Variants in NKAIN2 observed in about 807,000 individuals in gnomAD.
The protein encoded by NKAIN2 is sodium/potassium-transporting ATPase subunit beta-1-interacting protein 2.
A neutral mutation model predicts 32.6 loss-of-function variants in NKAIN2; 14 were observed. The ratio of observed to expected loss-of-function variants is 0.43; its 90% CI spans 0.28 to 0.67. The LOEUF is 0.67. Among genes scored for constraint, NKAIN2 ranks in the 30% least tolerant of loss-of-function variants. NKAIN2 has a pLI of 0.17. For missense variants in NKAIN2, 198 were observed against 258.3 expected, an observed-to-expected ratio of 0.77 and a Z score of 1.60; for synonymous variants, 80 against 87.2, an observed-to-expected ratio of 0.92 and a Z score of 0.46.
chr6:124,112,878 C>G (rs1194734841), intron 1 of NKAIN2, among the ~76,000 whole-genome samples: 1 of 151,636 alleles, frequency 6.6e-6, no homozygotes, highest in East Asian at 1.9e-4. Context: ...TTTCAGGTCA[C>G]TTGTGTTCTT....
intron 1 of NKAIN2, among the ~76,000 whole-genome samples, chr6:124,117,829 A>G (rs906752984): frequency 4.0e-5 from 6 of 151,130 alleles, no homozygotes; most frequent in Admixed American, 2.6e-4. Context: ...TATTTATTCA[A>G]TTTTATAAAA....
At chr6:124,806,162 A>G (rs1446002080) in intron 5 of NKAIN2, among the ~76,000 whole-genome samples, 1 of 152,160 alleles carries the variant, frequency 6.6e-6, no homozygotes, top group Non-Finnish European at 1.5e-5. Context: ...CTCCTCGAGA[A>G]GAGCAACTCC....
intron 1 of NKAIN2, among the ~76,000 whole-genome samples, chr6:124,145,963 G>T (rs144041175): frequency 7.8e-4 from 119 of 152,272 alleles, no homozygotes; most frequent in Non-Finnish European, 1.4e-3. Context: ...GTAGGTACAT[G>T]AAACTATACA....
At chr6:124,121,649 T>A (rs1190559349) in intron 1 of NKAIN2, among the ~76,000 whole-genome samples, 3 of 152,082 alleles carry the variant, frequency 2.0e-5, no homozygotes, top group Non-Finnish European at 4.4e-5. Flanking sequence ...TATTCAGATG[T>A]AGGGGTTGAT....
At chr6:124,253,100 T>G (rs1249487500) in intron 1 of NKAIN2, among the ~76,000 whole-genome samples, 1 of 152,122 alleles carries the variant, frequency 6.6e-6, no homozygotes, top group Non-Finnish European at 1.5e-5. Flanking sequence ...GAATTGATAT[T>G]TTTACAATAT....
At chr6:124,736,969 G>T (rs371566971) in intron 4 of NKAIN2, among the ~76,000 whole-genome samples, 24 of 152,056 alleles carry the variant, frequency 1.6e-4, no homozygotes, top group African/African-American at 5.3e-4. Context: ...ATATGAAGGA[G>T]TTAGGCAAAG....
At chr6:124,707,792 G>A (rs1250587767) in intron 4 of NKAIN2, among the ~76,000 whole-genome samples, 2 of 151,966 alleles carry the variant, frequency 1.3e-5, no homozygotes, top group Non-Finnish European at 1.5e-5. Context: ...TGTGTAGGTT[G>A]CCTGTTCACT....
chr6:124,633,731 A>G (rs1423042041), intron 3 of NKAIN2, among the ~76,000 whole-genome samples: 1 of 152,204 alleles, frequency 6.6e-6, no homozygotes, highest in Non-Finnish European at 1.5e-5. Flanking sequence ...GACAAGTTAA[A>G]ATCTTTGGAG....
chr6:123,809,392 A>G (rs1562192541), intron 1 of NKAIN2, among the ~76,000 whole-genome samples: 2 of 152,234 alleles, frequency 1.3e-5, no homozygotes, highest in East Asian at 3.9e-4. Context: ...TAATTTCTAT[A>G]GGATGGAAAT....
chr6:124,133,881 A>T (rs1786599870), intron 1 of NKAIN2, among the ~76,000 whole-genome samples: 2 of 152,234 alleles, frequency 1.3e-5, no homozygotes, highest in South Asian at 2.1e-4. Context: ...ATACAGTCCA[A>T]TTAAAAATAA....
intron 1 of NKAIN2, among the ~76,000 whole-genome samples, chr6:123,818,528 C>A (rs1392313554): frequency 6.6e-6 from 1 of 152,118 alleles, no homozygotes; most frequent in African/African-American, 2.4e-5. Flanking sequence ...CCAGAAGGCC[C>A]AGTTATTGCC....
At chr6:124,513,000 A>G (rs772050913) in intron 3 of NKAIN2, among the ~76,000 whole-genome samples, 5 of 152,162 alleles carry the variant, frequency 3.3e-5, no homozygotes, top group Admixed American at 6.5e-5. Context: ...TACCAAAATG[A>G]CAGGTGTTTT....
chr6:123,913,887 C>T (rs896215257), intron 1 of NKAIN2, among the ~76,000 whole-genome samples: 1 of 151,910 alleles, frequency 6.6e-6, no homozygotes, highest in African/African-American at 2.4e-5. Flanking sequence ...ATAATTCTTC[C>T]CATCTTTTAA....
intron 2 of NKAIN2, among the ~76,000 whole-genome samples, chr6:124,306,616 T>C (rs1796514027): frequency 6.6e-6 from 1 of 152,070 alleles, no homozygotes; most frequent in Admixed American, 6.6e-5. Context: ...AAAGTGCAAA[T>C]GAAATAGGTA....
chr6:124,518,796 G>T (rs938775544), intron 3 of NKAIN2, among the ~76,000 whole-genome samples: 1 of 152,114 alleles, frequency 6.6e-6, no homozygotes, highest in African/African-American at 2.4e-5. Flanking sequence ...GCCACTGATC[G>T]TTTTGACTAT....
At position 124,478,947 on chromosome 6, in the gene NKAIN2, G is replaced by C. The variant is rs1482275496; in HGVS notation, c.273+123600G>C. On this transcript the variant is annotated intron_variant, in intron 3 of 6. Coordinates refer to ENST00000368417, the MANE Select transcript of NKAIN2 (RefSeq NM_001040214.3). ...TATATCAACAGGGGCAAATCATGTT[G>C]AAAGCATTTACTCTTGATATGATGT... Among the ~76,000 whole-genome samples, 3 of 152,246 alleles carry C rather than the reference G, an allele frequency of 2.0e-5. 1 individual carries two copies. Among genetic ancestry groups the C allele is most frequent in the South Asian group, 4.1e-4 (2 of 4,820 alleles).
At chr6:124,016,589 A>G (rs1373228270) in intron 1 of NKAIN2, among the ~76,000 whole-genome samples, 4 of 152,144 alleles carry the variant, frequency 2.6e-5, no homozygotes, top group Admixed American at 6.6e-5. Flanking sequence ...CTCTGAGCCT[A>G]CTACTCTGGA....
At chr6:124,002,256 A>G (rs1779909334) in intron 1 of NKAIN2, among the ~76,000 whole-genome samples, 1 of 152,096 alleles carries the variant, frequency 6.6e-6, no homozygotes, top group Non-Finnish European at 1.5e-5. Flanking sequence ...ACATTCTCAG[A>G]TAATACGTGG....
chr6:124,215,623 G>GA, intron 1 of NKAIN2, among the ~76,000 whole-genome samples: 1 of 152,048 alleles, frequency 6.6e-6, no homozygotes, highest in Non-Finnish European at 1.5e-5. Context: ...AACTTCTAAA[G>GA]AAAAATTATT....
Sources: allele counts gnomAD v4.1 joint callset (sites outside exome capture counted in the v4.1 genomes callset), GRCh38; gene constraint gnomAD v4.1.1; transcripts MANE v1.5; gene names NCBI Gene and HGNC (gene_info 2026-07-23, HGNC 2026-07-21).